Variants in ANKRD44 observed in about 807,000 individuals in gnomAD.
The protein encoded by ANKRD44 is serine/threonine-protein phosphatase 6 regulatory ankyrin repeat subunit B.
A neutral mutation model predicts 116.0 loss-of-function variants in ANKRD44; 35 were observed. The ratio of observed to expected loss-of-function variants is 0.30; its 90% confidence interval spans 0.23 to 0.40. ANKRD44 has a LOEUF of 0.40. ANKRD44 is among the 10% of genes least tolerant of loss of function. The pLI is 1.00. For synonymous variants in ANKRD44, 435 were observed against 461.8 expected (o/e 0.94, Z 0.74); for missense variants, 1,014 against 1,242.6 (o/e 0.82, Z 2.77).
chr2:196,994,132 C>A (rs528211571), intron 26 of ANKRD44, among the ~76,000 whole-genome samples: 2 of 152,274 alleles, frequency 1.3e-5, no homozygotes, highest in South Asian at 4.1e-4. Flanking sequence ...ATTTATAATA[C>A]CTTAAAGAAT....
chr2:197,050,705 G>A (rs188785839), intron 16 of ANKRD44, among the ~76,000 whole-genome samples: 1 of 152,000 alleles, frequency 6.6e-6, no homozygotes, highest in Non-Finnish European at 1.5e-5. Context: ...TTACAGGTGT[G>A]AGCCATCACG....
downstream of ANKRD44, among the ~76,000 whole-genome samples, chr2:196,982,482 A>G (rs2075809137): frequency 6.6e-6 from 1 of 151,966 alleles, no homozygotes; most frequent in Admixed American, 6.6e-5. Flanking sequence ...AGGCTCCTTG[A>G]CTCCATTTTC....
At position 197,126,461 on chromosome 2, in the gene ANKRD44, T is replaced by C. The variant is rs542356118; in HGVS notation, c.262-424A>G. 2.9e-4 allele frequency among the ~76,000 whole-genome samples: 44 copies of C among 152,362 alleles called. 1 individual carries two copies. The highest frequency in any genetic ancestry group is 1.3e-4 in the Non-Finnish European group (9 of 68,026). ...CAACATCTTAACCCTCAGCATCGTG[T>C]GATCAATAAGTGGTCAAGACGGGAA... is the stretch of plus-strand genomic sequence containing the variant. On this transcript the variant is annotated intron_variant, in intron 4 of 27. Coordinates refer to ENST00000282272, the MANE Select transcript of ANKRD44 (RefSeq NM_001195144.2).
intron 1 of ANKRD44, among the ~76,000 whole-genome samples, chr2:197,275,320 G>A (rs1357544549): frequency 6.7e-6 from 1 of 150,114 alleles, no homozygotes; most frequent in African/African-American, 2.5e-5. Flanking sequence ...TCACTATGTT[G>A]CCCAGGCTGG....
intron 16 of ANKRD44, among the ~76,000 whole-genome samples, chr2:197,053,158 G>A (rs1238747598): frequency 2.0e-5 from 3 of 152,070 alleles, no homozygotes; most frequent in South Asian, 2.1e-4. Flanking sequence ...GCAACAGAGC[G>A]AGATTCTGTC....
rs1347338913 is a variant in ANKRD44, at chr2:197,187,025, G to A, written c.109C>T (p.Leu37=). 18 of 1,613,820 alleles carry A rather than the reference G, an allele frequency of 1.1e-5. No homozygotes were observed. Among genetic ancestry groups the A allele is most frequent in the African/African-American group, 2.7e-5 (2 of 74,904 alleles). ...LIHKTEDVNT[L]DSEKRTPLHV... ...AGCAAAACCACAGTATCTCTTACCA[G>A]AGTATTCACATCTTCAGTTTTATGG... Residue 37 remains leucine, a splice_region_variant and synonymous_variant, in exon 2 of 28, where the codon CTG becomes TTG. Coordinates refer to ENST00000282272, the MANE Select transcript of ANKRD44 (RefSeq NM_001195144.2).
At chr2:197,281,763 C>T (rs537728435) in intron 1 of ANKRD44, among the ~76,000 whole-genome samples, 1 of 152,156 alleles carries the variant, frequency 6.6e-6, no homozygotes, top group East Asian at 1.9e-4. Context: ...TATATATTAC[C>T]CTAAAATCCT....
intron 12 of ANKRD44, among the ~76,000 whole-genome samples, chr2:197,087,514 A>G (rs1030059673): frequency 6.6e-6 from 1 of 152,226 alleles, no homozygotes; most frequent in Non-Finnish European, 1.5e-5. Flanking sequence ...GAGCATACAA[A>G]AGAGACAATT....
At chr2:197,052,120 A>T (rs2077119385) in intron 16 of ANKRD44, among the ~76,000 whole-genome samples, 1 of 152,192 alleles carries the variant, frequency 6.6e-6, no homozygotes, top group Admixed American at 6.5e-5. Flanking sequence ...AATTTAGTCA[A>T]CATGGACCCA....
intron 2 of ANKRD44, among the ~76,000 whole-genome samples, chr2:197,178,852 T>C (rs2080433454): frequency 1.3e-5 from 2 of 152,214 alleles, no homozygotes; most frequent in African/African-American, 2.4e-5. Context: ...TATTTACATC[T>C]ATCTAGCAGT....
chr2:197,017,937 G>A (rs1369357921), intron 17 of ANKRD44, among the ~76,000 whole-genome samples: 24 of 152,240 alleles, frequency 1.6e-4, no homozygotes, highest in Admixed American at 1.6e-3. Flanking sequence ...CTGAAAGCAA[G>A]GGACACATTT....
chr2:197,049,181 T>C (rs1423267645), intron 16 of ANKRD44, among the ~76,000 whole-genome samples: 1 of 152,242 alleles, frequency 6.6e-6, no homozygotes, highest in Non-Finnish European at 1.5e-5. Flanking sequence ...GCTCTTTAGT[T>C]TAATTAGACC....
At chr2:197,073,638 TC>T (rs1213069046) in intron 16 of ANKRD44, among the ~76,000 whole-genome samples, 1 of 152,142 alleles carries the variant, frequency 6.6e-6, no homozygotes, top group Non-Finnish European at 1.5e-5. Flanking sequence ...CTAAGCAATC[TC>T]CCTGAAGCTT....
chr2:197,043,272 G>C (rs755388587), intron 16 of ANKRD44, among the ~76,000 whole-genome samples: 1 of 152,194 alleles, frequency 6.6e-6, no homozygotes, highest in Non-Finnish European at 1.5e-5. Context: ...ATATCATTCA[G>C]AAGAGCAATT....
rs187976779 is a variant in ANKRD44 at position 197,263,068 on chromosome 2, C to T, written c.27+47510G>A. On this transcript the variant is annotated intron_variant, in intron 1 of 27. Transcript: ENST00000282272. ...TTTAAAAGGTGTTGTGTCTTCCCTG[C>T]ACTGGGCCCAGCTCTCCTGCCACAG... 194 of 417,292 alleles carry T rather than the reference C, an allele frequency of 4.6e-4. 8 individuals are homozygous for T. Among genetic ancestry groups the T allele is most frequent in the East Asian group, 3.8e-3 (58 of 15,400 alleles). 25.8% of individuals were successfully genotyped at this position (417,292 alleles called of 1,614,324 possible). A position where few individuals can be genotyped will look rare whatever the true frequency, so the allele number is the denominator to read the frequency against.
chr2:197,069,179 T>A (rs1449877634), intron 16 of ANKRD44, among the ~76,000 whole-genome samples: 1 of 151,964 alleles, frequency 6.6e-6, no homozygotes, highest in African/African-American at 2.4e-5. Flanking sequence ...ACCATCATTC[T>A]CCACAAACTA....
intron 16 of ANKRD44, among the ~76,000 whole-genome samples, chr2:197,052,944 C>T (rs1030650522): frequency 6.6e-6 from 1 of 152,028 alleles, no homozygotes; most frequent in African/African-American, 2.4e-5. Context: ...CCAAGGTGGG[C>T]AGATCACCTG....
intron 2 of ANKRD44, among the ~76,000 whole-genome samples, chr2:197,180,289 T>C (rs2080472354): frequency 6.6e-6 from 1 of 152,248 alleles, no homozygotes; most frequent in African/African-American, 2.4e-5. Context: ...GTGTTTTCTT[T>C]GGCCTGCACA....
Position 197,246,052 on chromosome 2 carries a change from C to T in ANKRD44, c.28-58946G>A, listed in dbSNP as rs912805450. ...ATCAGAGACATGAGCACAACATGGC[C>T]ACATGAGTCCTGATGAAGACCAGGC... On this transcript the variant is annotated intron_variant, in intron 1 of 27. Coordinates refer to ENST00000282272, the MANE Select transcript of ANKRD44 (RefSeq NM_001195144.2). Among the ~76,000 whole-genome samples the T allele has an allele frequency of 5.9e-5, 9 of 152,274 alleles. No homozygotes were observed. In the South Asian group the frequency reaches 8.3e-4, roughly 14 times the overall value.
Sources: gnomAD v4.1 joint callset for allele counts (sites outside exome capture counted in the v4.1 genomes callset) on GRCh38, gnomAD v4.1.1 for gene constraint, MANE v1.5 for transcripts, NCBI Gene and HGNC (gene_info 2026-07-23, HGNC 2026-07-21) for gene names.